Variants in SORCS3 observed in about 807,000 individuals in gnomAD.
SORCS3 encodes VPS10 domain-containing receptor SorCS3.
In SORCS3, 57 loss-of-function variants were observed where a neutral mutation model predicts 146.3. The ratio of observed to expected loss-of-function variants is 0.39; its 90% CI spans 0.31 to 0.49. The LOEUF is 0.49. SORCS3 is among the 20% of genes least tolerant of loss of function. SORCS3 has a pLI of 0.92. For missense variants in SORCS3, 1,341 were observed against 1,575.5 expected (o/e 0.85, Z 2.52); for synonymous variants, 653 against 618.5 (o/e 1.06, Z -0.83).
intron 4 of SORCS3, among the ~76,000 whole-genome samples, chr10:104,983,005 T>A (rs1046828802): frequency 6.6e-6 from 1 of 151,478 alleles, no homozygotes; most frequent in Non-Finnish European, 1.5e-5. Flanking sequence ...TTTCTTTTCT[T>A]TTTTAATTTT....
At chr10:104,834,212 C>T (rs1008197216) in intron 1 of SORCS3, among the ~76,000 whole-genome samples, 7 of 152,154 alleles carry the variant, frequency 4.6e-5, no homozygotes, top group African/African-American at 7.2e-5. Flanking sequence ...ACACAGCAAC[C>T]AGAGTGATCT....
chr10:104,808,851 T>TAACC (rs2017709854), intron 1 of SORCS3, among the ~76,000 whole-genome samples: 1 of 152,166 alleles, frequency 6.6e-6, no homozygotes, highest in Admixed American at 6.5e-5. Flanking sequence ...GAGAATGAAG[T>TAACC]AACCTGTCAA....
In SORCS3 at chr10:104,641,658, G is replaced by A. The variant is rs1185437955; in HGVS notation, c.331G>A (p.Ala111Thr). ...GGTGGAAGCCGGAGGGACATCACCG[G>A]CAGGCGAGCGGCGGGGCCGGGGCAT... ...MQVEAGGTSP[A>T]GERRGRGIPA... The change falls in exon 1 of 27, where the codon GCA (alanine) becomes ACA (threonine). Residue 111 changes from alanine to threonine, a missense_variant. Transcript: ENST00000369701. The surrounding 1 kb of genome is among the most constrained non-coding windows in gnomAD (Gnocchi z 6.4). 8 of 1,527,576 alleles carry A rather than the reference G, an allele frequency of 5.2e-6. No individual in the cohort carries two copies. Among genetic ancestry groups the A allele is most frequent in the Non-Finnish European group, 7.0e-6 (8 of 1,142,106 alleles). 94.6% of individuals were successfully genotyped at this position (1,527,576 alleles called of 1,614,324 possible).
At chr10:105,201,380 G>A in intron 16 of SORCS3, 127 bp downstream of exon 16, 3 of 1,166,518 alleles carry the variant, frequency 2.6e-6, no homozygotes, top group Non-Finnish European at 3.6e-6. Flanking sequence ...CTGCTGGCCT[G>A]TGGGCCCATC....
At chr10:105,263,274 A>G (rs1427169413) in intron 26 of SORCS3, 36 bp from the exon 27 acceptor site, 1 of 1,606,128 alleles carries the variant, frequency 6.2e-7, no homozygotes, top group Admixed American at 1.7e-5. Context: ...TGTGGAACTC[A>G]CATCCATTTC....
intron 1 of SORCS3, among the ~76,000 whole-genome samples, chr10:104,780,377 T>G (rs899061478): frequency 3.9e-5 from 6 of 152,142 alleles, no homozygotes; most frequent in African/African-American, 1.4e-4. Context: ...AGGGAAGCTA[T>G]TAATAAACCT....
At chr10:105,028,534 G>A (rs1427618369) in intron 4 of SORCS3, among the ~76,000 whole-genome samples, 4 of 152,116 alleles carry the variant, frequency 2.6e-5, no homozygotes, top group Non-Finnish European at 5.9e-5. Flanking sequence ...TCCACCTTGT[G>A]AATCTTGGTG....
intron 2 of SORCS3, among the ~76,000 whole-genome samples, chr10:104,900,151 G>C (rs2018836051): frequency 6.6e-6 from 1 of 152,140 alleles, no homozygotes; most frequent in South Asian, 2.1e-4. Flanking sequence ...TGATTTTAGG[G>C]AACCCAGCTT....
At chr10:105,100,689 A>G (rs910702657) in intron 6 of SORCS3, among the ~76,000 whole-genome samples, 4 of 152,230 alleles carry the variant, frequency 2.6e-5, no homozygotes, top group African/African-American at 9.6e-5. Flanking sequence ...ATATGACTTC[A>G]CTGTAGAACC....
At chr10:104,995,252 C>G (rs767274645) in intron 4 of SORCS3, among the ~76,000 whole-genome samples, 2 of 151,356 alleles carry the variant, frequency 1.3e-5, no homozygotes, top group Non-Finnish European at 2.9e-5. Context: ...CTTTGCCTCC[C>G]GGGTTCAAGC....
At chr10:105,008,397 A>G (rs1408025221) in intron 4 of SORCS3, among the ~76,000 whole-genome samples, 2 of 152,164 alleles carry the variant, frequency 1.3e-5, no homozygotes, top group African/African-American at 2.4e-5. Flanking sequence ...CTGACCAAGG[A>G]AATATATTCA....
chr10:104,675,688 G>A (rs2015905049), intron 1 of SORCS3, among the ~76,000 whole-genome samples: 2 of 152,186 alleles, frequency 1.3e-5, no homozygotes, highest in Non-Finnish European at 2.9e-5. Flanking sequence ...GTGTCCATTT[G>A]TGAACTTTCT....
At chr10:104,676,929 T>G (rs2015918808) in intron 1 of SORCS3, among the ~76,000 whole-genome samples, 1 of 152,256 alleles carries the variant, frequency 6.6e-6, no homozygotes, top group Non-Finnish European at 1.5e-5. Flanking sequence ...TCTTGTGTTC[T>G]GAGACATCTC....
At chr10:104,950,334 C>T (rs543244055) in intron 3 of SORCS3, among the ~76,000 whole-genome samples, 4 of 152,180 alleles carry the variant, frequency 2.6e-5, no homozygotes, top group Non-Finnish European at 5.9e-5. Flanking sequence ...ATGCTAGTTC[C>T]TGCAACATTA....
chr10:105,227,487 T>C lies in SORCS3; in HGVS notation c.2868+4238T>C, dbSNP rs2119681190. ...AACATATGGTCGATCTTGGAGAATG[T>C]TCCAGGTGCTGATGAGAAGAATGTA... On this transcript the variant is annotated intron_variant, in intron 20 of 26. Coordinates refer to ENST00000369701, the MANE Select transcript of SORCS3 (RefSeq NM_014978.3). Among the ~76,000 whole-genome samples, 3 of 152,292 alleles carry C rather than the reference T, an allele frequency of 2.0e-5. 1 individual carries two copies. The highest frequency in any genetic ancestry group is 2.0e-4 in the Admixed American group (3 of 15,298).
chr10:104,688,121 T>C (rs2016069453), intron 1 of SORCS3, among the ~76,000 whole-genome samples: 1 of 152,252 alleles, frequency 6.6e-6, no homozygotes, highest in East Asian at 1.9e-4. Context: ...GGGTCTCCTG[T>C]ACTTAGTATG....
rs1044153863 is a variant in SORCS3, at chr10:105,147,515, C to T, written c.1303-102C>T. The T allele has an allele frequency of 4.8e-6, 5 of 1,038,896 alleles. No individual in the cohort carries two copies. In the East Asian group the frequency reaches 1.3e-4, roughly 27 times the overall value. 64.4% of individuals were successfully genotyped at this position (1,038,896 alleles called of 1,614,324 possible). On this transcript the variant is annotated intron_variant, in intron 8 of 26. Coordinates refer to ENST00000369701, the MANE Select transcript of SORCS3 (RefSeq NM_014978.3). Reference sequence around the variant, plus strand: ...TGTTTAACATTGCCTATAACTCAAGCTTTTTCTCAGCAATTTCATAAGTCA... The same window carrying T: ...TGTTTAACATTGCCTATAACTCAAGTTTTTTCTCAGCAATTTCATAAGTCA...
chr10:105,142,775 G>C (rs773842910), intron 8 of SORCS3, among the ~76,000 whole-genome samples: 2 of 152,080 alleles, frequency 1.3e-5, no homozygotes, highest in African/African-American at 4.8e-5. Flanking sequence ...GGTATTGCAA[G>C]TCGTTTCAAA....
At chr10:104,897,934 C>A (rs1258783014) in intron 2 of SORCS3, among the ~76,000 whole-genome samples, 1 of 152,204 alleles carries the variant, frequency 6.6e-6, no homozygotes, top group Non-Finnish European at 1.5e-5. Context: ...TAGTCCAGCT[C>A]ATTCATTCTA....
Sources: gnomAD v4.1 joint callset for allele counts (sites outside exome capture counted in the v4.1 genomes callset) on GRCh38, gnomAD v4.1.1 for gene constraint, Gnocchi (gnomAD v3.1) non-coding constraint, MANE v1.5 for transcripts, NCBI Gene and HGNC (gene_info 2026-07-23, HGNC 2026-07-21) for gene names.